The following KDM6A variants were observed in gnomAD, a reference collection of about 807,000 sequenced individuals.
KDM6A encodes lysine demethylase 6A.
Under a neutral mutation model 117.6 loss-of-function variants are expected in KDM6A, and 11 were observed. The observed-to-expected ratio is 0.09, with a 90% CI of 0.06 to 0.15. The LOEUF (loss-of-function observed/expected upper bound fraction) is 0.15. Ranked by LOEUF, KDM6A falls within the 10% of genes least tolerant of loss-of-function variation. The pLI is 1.00. For synonymous variants in KDM6A, 384 were observed against 396.1 expected, an observed-to-expected ratio of 0.97 and a Z score of 0.36; for missense variants, 799 against 1,077.3, an observed-to-expected ratio of 0.74 and a Z score of 3.62.
chrX:44,916,595 A>G (rs1290620960), intron 2 of KDM6A, among the ~76,000 whole-genome samples: 1 of 111,180 alleles, frequency 9.0e-6, no homozygotes, highest in African/African-American at 3.3e-5. Flanking sequence ...TATATACTTT[A>G]GTAGTATACC....
At chrX:44,972,077 G>A (rs2039376913) in intron 3 of KDM6A, among the ~76,000 whole-genome samples, 1 of 111,008 alleles carries the variant, frequency 9.0e-6, no homozygotes, top group South Asian at 3.9e-4. Context: ...ATAGTCAGAA[G>A]ATAATGTTTT....
intron 18 of KDM6A, among the ~76,000 whole-genome samples, chrX:45,075,675 C>G (rs1473834741): frequency 1.8e-5 from 2 of 109,596 alleles, no homozygotes; most frequent in African/African-American, 6.8e-5. Flanking sequence ...TCATTAGTAT[C>G]AACCAAAACA....
intron 4 of KDM6A, among the ~76,000 whole-genome samples, chrX:44,982,441 A>G (rs1346937101): frequency 1.8e-5 from 2 of 111,757 alleles, no homozygotes; most frequent in Non-Finnish European, 3.8e-5. Flanking sequence ...TACTATCTAT[A>G]TGAATGTAAA....
At chrX:44,878,540 A>T (rs1483402955) in intron 2 of KDM6A, among the ~76,000 whole-genome samples, 2 of 111,947 alleles carry the variant, frequency 1.8e-5, no homozygotes, top group Non-Finnish European at 3.8e-5. Flanking sequence ...TGTGCCTGGT[A>T]ATAAAGATAT....
At chrX:45,094,274 T>A (rs1276175654) in intron 27 of KDM6A, among the ~76,000 whole-genome samples, 2 of 111,783 alleles carry the variant, frequency 1.8e-5, no homozygotes, top group Non-Finnish European at 3.8e-5. Flanking sequence ...ATAAAATAGA[T>A]TGAAAGAAAT....
rs752035232 is a variant in KDM6A at position 45,111,997 on chromosome X, T to C, written c.*586T>C. 5.9e-6 allele frequency: 1 copy of C among 168,068 alleles called. No individual in the cohort carries two copies. The highest frequency in any genetic ancestry group is 3.2e-4 in the South Asian group (1 of 3,128). The allele number at this position is 168,068 out of a possible 1,213,427, so 13.9% of individuals were successfully genotyped here. On this transcript the variant is annotated 3_prime_UTR_variant, in exon 30 of 30. Coordinates refer to ENST00000611820, the MANE Select transcript of KDM6A (RefSeq NM_001291415.2). ...AGTCACAAAGGTAATGGATTGCACA[T>C]AGACTAAGGAATAAACTTCAGATTT...
intron 2 of KDM6A, among the ~76,000 whole-genome samples, chrX:44,905,222 A>G (rs2034579823): frequency 8.9e-6 from 1 of 112,567 alleles, no homozygotes. Context: ...TACCAGCACT[A>G]CCATGAGCTA....
At chrX:45,042,422 A>T (rs1428941553) in intron 8 of KDM6A, among the ~76,000 whole-genome samples, 2 of 110,691 alleles carry the variant, frequency 1.8e-5, no homozygotes, top group Non-Finnish European at 3.8e-5. Context: ...GATTAAAAAA[A>T]AACTCTACAC....
chrX:45,037,290 G>A (rs2042859167), intron 7 of KDM6A, among the ~76,000 whole-genome samples: 1 of 111,825 alleles, frequency 8.9e-6, no homozygotes, highest in Admixed American at 9.5e-5. Context: ...TTTAAATACT[G>A]TGTTTTGAAA....
At chrX:44,925,611 G>A (rs866369764) in intron 2 of KDM6A, among the ~76,000 whole-genome samples, 1 of 111,681 alleles carries the variant, frequency 9.0e-6, no homozygotes, top group Non-Finnish European at 1.9e-5. Flanking sequence ...TGTCCTATTT[G>A]CTTAAATTTG....
intron 21 of KDM6A, 95 bp downstream of exon 21, chrX:45,079,446 C>A (rs1286550854): frequency 1.7e-6 from 1 of 602,847 alleles, no homozygotes; most frequent in Non-Finnish European, 2.7e-6. Context: ...TGCATCTCAT[C>A]ATTTTATGTT....
intron 2 of KDM6A, among the ~76,000 whole-genome samples, chrX:44,958,604 CTTTTTTTTTT>C (rs34006049): frequency 1.9e-4 from 11 of 56,453 alleles, no homozygotes; most frequent in African/African-American, 8.1e-4. Context: ...CTATATAGAC[CTTTTTTTTTT>C]TTTTTTTTTT....
chrX:44,885,036 A>AT (rs753134380), intron 2 of KDM6A, among the ~76,000 whole-genome samples: 1,437 of 93,561 alleles, frequency 0.015, 12 homozygotes, highest in African/African-American at 0.032. Context: ...CATCATTTCT[A>AT]TTTTTTTTTT....
At chrX:44,975,581 A>G (rs369783725) in intron 4 of KDM6A, among the ~76,000 whole-genome samples, 6 of 111,855 alleles carry the variant, frequency 5.4e-5, no homozygotes, top group South Asian at 7.5e-4. Flanking sequence ...ATCACATGCT[A>G]TAAAATTATA....
intron 4 of KDM6A, among the ~76,000 whole-genome samples, chrX:45,007,982 A>T (rs1337244060): frequency 8.9e-6 from 1 of 112,079 alleles, no homozygotes; most frequent in Admixed American, 9.5e-5. Context: ...ATAATGTCAG[A>T]TGATAGAGAC....
intron 2 of KDM6A, among the ~76,000 whole-genome samples, chrX:44,938,250 G>A (rs2037092818): frequency 9.0e-6 from 1 of 111,701 alleles, no homozygotes; most frequent in Non-Finnish European, 1.9e-5. Flanking sequence ...ATGAGCCACC[G>A]CACCTGACCG....
chrX:45,058,075 T>TCCCCCCC (rs554495782), intron 10 of KDM6A, among the ~76,000 whole-genome samples: 1 of 38,000 alleles, frequency 2.6e-5, no homozygotes, highest in African/African-American at 1.1e-4. Flanking sequence ...ACTCTTACTC[T>TCCCCCCC]CCCCCCCCCC....
Position 44,912,779 on chromosome X carries a change from G to A in KDM6A, c.225+38792G>A, listed in dbSNP as rs151273193. ...TTCAGAGCAGTTGTCTTTCCTAATA[G>A]CTTCGTCTACTTCTGATTGTCACAC... On this transcript the variant is annotated intron_variant, in intron 2 of 29. Coordinates refer to ENST00000611820, the MANE Select transcript of KDM6A (RefSeq NM_001291415.2). Among the ~76,000 whole-genome samples, 131 of 111,885 alleles carry A rather than the reference G, an allele frequency of 1.2e-3. No homozygotes were observed. In the East Asian group the frequency reaches 0.029, roughly 25 times the overall value.
chrX:45,082,266 C>T, intron 21 of KDM6A: 1 of 264,098 alleles, frequency 3.8e-6, no homozygotes, highest in Non-Finnish European at 6.8e-6. Context: ...AACCCCATCT[C>T]TACCAAAAAT....
Sources: allele counts gnomAD v4.1 joint callset (sites outside exome capture counted in the v4.1 genomes callset), GRCh38; gene constraint gnomAD v4.1.1; transcripts MANE v1.5; gene names NCBI Gene and HGNC (gene_info 2026-07-23, HGNC 2026-07-21).